Variants in COL25A1 observed in about 807,000 individuals in gnomAD.
The protein encoded by COL25A1 is collagen alpha-1(XXV) chain.
In COL25A1, 103 loss-of-function variants were observed where a neutral mutation model predicts 128.4. The ratio of observed to expected loss-of-function variants is 0.80; its 90% CI spans 0.68 to 0.94. COL25A1 has a LOEUF of 0.94. Ranked by LOEUF, COL25A1 falls within the 40% of genes least tolerant of loss-of-function variation. COL25A1 has a pLI of 0.00. For missense variants in COL25A1, 745 were observed against 840.0 expected (o/e 0.89, Z 1.40); for synonymous variants, 279 against 277.2 (o/e 1.01, Z -0.06).
chr4:109,068,322 T>C (rs1446370771), intron 3 of COL25A1, among the ~76,000 whole-genome samples: 1 of 152,080 alleles, frequency 6.6e-6, no homozygotes, highest in African/African-American at 2.4e-5. Flanking sequence ...AAGCAGGATA[T>C]TTAGTCTAAG....
intron 6 of COL25A1, among the ~76,000 whole-genome samples, chr4:108,997,851 T>C (rs1754927236): frequency 6.6e-6 from 1 of 152,150 alleles, no homozygotes; most frequent in Non-Finnish European, 1.5e-5. Flanking sequence ...ATCCATCAAG[T>C]AAACAGAACC....
intron 3 of COL25A1, among the ~76,000 whole-genome samples, chr4:109,160,939 A>G (rs144992787): frequency 6.6e-6 from 1 of 152,304 alleles, no homozygotes; most frequent in Non-Finnish European, 1.5e-5. Flanking sequence ...GAATATTGTT[A>G]GACTCTGTAC....
chr4:109,036,685 G>T (rs1382341943), intron 5 of COL25A1, among the ~76,000 whole-genome samples: 4 of 152,282 alleles, frequency 2.6e-5, no homozygotes, highest in Admixed American at 6.5e-5. Flanking sequence ...TCTAAGGGAT[G>T]GTTTTTAAAA....
intron 8 of COL25A1, among the ~76,000 whole-genome samples, chr4:108,974,046 G>GA (rs1365371904): frequency 6.6e-6 from 1 of 152,196 alleles, no homozygotes; most frequent in African/African-American, 2.4e-5. Flanking sequence ...TCTATGTTGT[G>GA]AAACAATTCA....
At chr4:109,089,953 T>C (rs117110796) in intron 3 of COL25A1, among the ~76,000 whole-genome samples, 3,222 of 152,030 alleles carry the variant, frequency 0.021, 76 homozygotes, top group Middle Eastern at 0.11. Context: ...TTTTCAAAAA[T>C]TCAATTAAAG....
At chr4:109,277,988 A>T (rs1355178903) in intron 3 of COL25A1, among the ~76,000 whole-genome samples, 3 of 152,166 alleles carry the variant, frequency 2.0e-5, no homozygotes, top group Admixed American at 2.0e-4. Flanking sequence ...TCAAAAAATT[A>T]GCCAGGCATG....
chr4:108,961,976 G>A lies in COL25A1; in HGVS notation c.492+12391C>T, dbSNP rs60672509. ...ATTTTTCTTCCCCTGCCAATAAACAGAATATTCAGGCTGACATGTTCTTTT... is the reference window on the plus strand; with the variant it reads ...ATTTTTCTTCCCCTGCCAATAAACAAAATATTCAGGCTGACATGTTCTTTT... On this transcript the variant is annotated intron_variant, in intron 8 of 37. Transcript: ENST00000399132. 4.7e-3 allele frequency among the ~76,000 whole-genome samples: 720 copies of A among 152,236 alleles called. 14 individuals carry two copies. The East Asian group carries it at 0.063, about 13-fold the overall frequency.
intron 3 of COL25A1, among the ~76,000 whole-genome samples, chr4:109,074,695 T>C (rs187393629): frequency 3.3e-5 from 5 of 152,292 alleles, no homozygotes; most frequent in African/African-American, 1.2e-4. Context: ...TATGAGAATA[T>C]GATTAAATGA....
chr4:109,207,125 T>C (rs1777068816), intron 3 of COL25A1, among the ~76,000 whole-genome samples: 1 of 152,204 alleles, frequency 6.6e-6, no homozygotes, highest in Non-Finnish European at 1.5e-5. Context: ...CCTATTTACC[T>C]TGTGCTGGGG....
chr4:109,140,988 G>A (rs191742068), intron 3 of COL25A1, among the ~76,000 whole-genome samples: 33 of 152,304 alleles, frequency 2.2e-4, no homozygotes, highest in Admixed American at 7.2e-4. Flanking sequence ...GGAGTGGTGA[G>A]AGAGGACATC....
chr4:108,849,687 T>C (rs1735544813), intron 26 of COL25A1, among the ~76,000 whole-genome samples: 1 of 152,182 alleles, frequency 6.6e-6, no homozygotes, highest in Non-Finnish European at 1.5e-5. Flanking sequence ...AATCCCACAC[T>C]GTGGAAACTT....
intron 35 of COL25A1, chr4:108,819,777 A>G (rs543850786): frequency 8.8e-7 from 1 of 1,132,482 alleles, no homozygotes; most frequent in South Asian, 4.5e-5. Context: ...CCCCTCACAC[A>G]AACATCTGGA....
At chr4:109,182,506 T>C (rs965523165) in intron 3 of COL25A1, among the ~76,000 whole-genome samples, 9 of 152,216 alleles carry the variant, frequency 5.9e-5, no homozygotes, top group African/African-American at 1.9e-4. Flanking sequence ...TTTAAAAATA[T>C]GTAAGTGTTT....
At chr4:109,200,390 C>G (rs1467286021) in intron 3 of COL25A1, among the ~76,000 whole-genome samples, 1 of 152,092 alleles carries the variant, frequency 6.6e-6, no homozygotes, top group African/African-American at 2.4e-5. Context: ...AAATCCATGG[C>G]TCTTTGCTTT....
chr4:109,211,290 C>CTATATATATATATATATATATA (rs753994624), intron 3 of COL25A1, among the ~76,000 whole-genome samples: 1 of 102,528 alleles, frequency 9.8e-6, no homozygotes, highest in Non-Finnish European at 2.4e-5. Context: ...ATATATGAAA[C>CTATATATATATATATATATATA]TATATATATA....
rs530394001 is a variant in COL25A1 at position 108,875,217 on chromosome 4, T to G, written c.1021-6067A>C. Among the ~76,000 whole-genome samples the G allele has an allele frequency of 3.2e-4, 49 of 152,282 alleles. No homozygotes were observed. The South Asian group carries it at 9.7e-3, about 30-fold the overall frequency. On this transcript the variant is annotated intron_variant, in intron 19 of 37. Transcript: ENST00000399132. ...AAAGCCAAAATGGACAAATGGGATCTAATTAAACTAAAGAGCTTCTGCACG... is the reference window on the plus strand; with the variant it reads ...AAAGCCAAAATGGACAAATGGGATCGAATTAAACTAAAGAGCTTCTGCACG...
intron 3 of COL25A1, among the ~76,000 whole-genome samples, chr4:109,057,123 GAGTC>G (rs1419363544): frequency 1.3e-5 from 2 of 152,268 alleles, no homozygotes; most frequent in Admixed American, 1.3e-4. Flanking sequence ...GACTCCCAAA[GAGTC>G]AGAATTAAAG....
At chr4:109,049,210 T>C (rs895033530) in intron 4 of COL25A1, among the ~76,000 whole-genome samples, 1 of 152,204 alleles carries the variant, frequency 6.6e-6, no homozygotes, top group Non-Finnish European at 1.5e-5. Context: ...TGATTATTTT[T>C]AATATTGAAA....
At chr4:109,011,917 C>T (rs1054199301) in intron 5 of COL25A1, among the ~76,000 whole-genome samples, 7 of 152,194 alleles carry the variant, frequency 4.6e-5, no homozygotes, top group African/African-American at 1.2e-4. Flanking sequence ...GCAACTGATA[C>T]GTATACAGAA....
Sources: gnomAD v4.1 joint callset for allele counts (sites outside exome capture counted in the v4.1 genomes callset) on GRCh38, gnomAD v4.1.1 for gene constraint, MANE v1.5 for transcripts, NCBI Gene and HGNC (gene_info 2026-07-23, HGNC 2026-07-21) for gene names.